GCNT1: variants seen among roughly 807,000 people sequenced by gnomAD.
The protein encoded by GCNT1 is beta-1,3-galactosyl-O-glycosyl-glycoprotein beta-1,6-N-acetylglucosaminyltransferase.
Under a neutral mutation model 26.2 loss-of-function variants are expected in GCNT1, and 16 were observed. The observed-to-expected ratio is 0.61, with a 90% CI of 0.41 to 0.93. The LOEUF (loss-of-function observed/expected upper bound fraction) is 0.93. Among genes scored for constraint, GCNT1 ranks in the 40% least tolerant of loss-of-function variants. GCNT1 has a pLI of 0.00. For synonymous variants in GCNT1, 183 were observed against 190.8 expected, an observed-to-expected ratio of 0.96 and a Z score of 0.34; for missense variants, 477 against 526.7, an observed-to-expected ratio of 0.91 and a Z score of 0.92.
intron 1 of GCNT1, among the ~76,000 whole-genome samples, chr9:76,442,634 T>C (rs1241249442): frequency 6.6e-6 from 1 of 152,022 alleles, no homozygotes; most frequent in Non-Finnish European, 1.5e-5. Flanking sequence ...TGAGCCAAGA[T>C]CATGCCACCG....
chr9:76,408,286 T>A, the GCNT1 span, among the ~76,000 whole-genome samples: 1 of 152,206 alleles, frequency 6.6e-6, no homozygotes, highest in East Asian at 1.9e-4. Flanking sequence ...ATTGAAGAAG[T>A]TCCCTTTTAT....
chr9:76,440,104 TAAA>T (rs762535970), upstream of GCNT1, among the ~76,000 whole-genome samples: 3 of 124,292 alleles, frequency 2.4e-5, no homozygotes, highest in Admixed American at 8.3e-5. Flanking sequence ...GTCGCAAAAA[TAAA>T]AAAAAAAAAA....
At chr9:76,425,946 T>G (rs1823253120) in intron 1 of GCNT1, among the ~76,000 whole-genome samples, 1 of 152,146 alleles carries the variant, frequency 6.6e-6, no homozygotes, top group African/African-American at 2.4e-5. Context: ...GCAAAATATC[T>G]CAAGCACTGA....
chr9:76,443,990 G>GAAGGAAGGAAGGAAAGAAAGAAAGA (rs1823529892), intron 1 of GCNT1, among the ~76,000 whole-genome samples: 1 of 73,646 alleles, frequency 1.4e-5, no homozygotes, highest in African/African-American at 4.8e-5. Flanking sequence ...AGGAAGGAAG[G>GAAGGAAGGAAGGAAAGAAAGAAAGA]AAGAAAAAAA....
chr9:76,466,491 G>A (rs1823997552), intron 2 of GCNT1, among the ~76,000 whole-genome samples: 1 of 152,122 alleles, frequency 6.6e-6, no homozygotes, highest in South Asian at 2.1e-4. Context: ...CTAGAGACGG[G>A]TCTCACCATC....
intron 2 of GCNT1, among the ~76,000 whole-genome samples, chr9:76,472,809 C>T (rs377633090): frequency 2.1e-5 from 3 of 144,452 alleles, no homozygotes; most frequent in African/African-American, 5.2e-5. Context: ...AGTGCAATGG[C>T]GTGATCTCAG....
intron 2 of GCNT1, among the ~76,000 whole-genome samples, chr9:76,492,908 G>T (rs956545147): frequency 1.3e-5 from 2 of 151,950 alleles, no homozygotes; most frequent in African/African-American, 4.8e-5. Flanking sequence ...GAGGTTGCGA[G>T]GTTTAATAAT....
At chr9:76,499,686 A>G (rs1231706769) in intron 2 of GCNT1, among the ~76,000 whole-genome samples, 1 of 152,182 alleles carries the variant, frequency 6.6e-6, no homozygotes, top group Non-Finnish European at 1.5e-5. Context: ...GACTATTTTT[A>G]GAGCAGTTTT....
chr9:76,471,635 A>G (rs1824134466), intron 2 of GCNT1, among the ~76,000 whole-genome samples: 1 of 152,084 alleles, frequency 6.6e-6, no homozygotes, highest in African/African-American at 2.4e-5. Flanking sequence ...ATTTAAAAAA[A>G]CATGTATAAG....
At chr9:76,398,508 C>T in the GCNT1 span, among the ~76,000 whole-genome samples, 56 of 152,328 alleles carry the variant, frequency 3.7e-4, no homozygotes, top group African/African-American at 1.3e-3. Flanking sequence ...GATAATATGG[C>T]AGTTTCTTAT....
chr9:76,451,574 T>C (rs1033291868), intron 1 of GCNT1, among the ~76,000 whole-genome samples: 1 of 152,258 alleles, frequency 6.6e-6, no homozygotes, highest in Admixed American at 6.5e-5. Context: ...GAGGAATGCC[T>C]ACCATTAAAA....
intron 1 of GCNT1, among the ~76,000 whole-genome samples, chr9:76,435,042 C>T (rs747839562): frequency 6.6e-6 from 1 of 152,080 alleles, no homozygotes; most frequent in Non-Finnish European, 1.5e-5. Flanking sequence ...GAACATAGAC[C>T]GTCATCAGTA....
the GCNT1 span, among the ~76,000 whole-genome samples, chr9:76,402,688 T>TTC: frequency 6.6e-6 from 1 of 151,806 alleles, no homozygotes. Context: ...GGCTGATTTT[T>TTC]TTTTTTTTTG....
intron 2 of GCNT1, among the ~76,000 whole-genome samples, chr9:76,473,161 G>C (rs1024102689): frequency 2.3e-4 from 35 of 152,182 alleles, no homozygotes; most frequent in African/African-American, 8.2e-4. Flanking sequence ...AGCAACACTA[G>C]ATGCTTCCTG....
chr9:76,398,247 A>C, the GCNT1 span, among the ~76,000 whole-genome samples: 1 of 152,270 alleles, frequency 6.6e-6, no homozygotes, highest in Admixed American at 6.5e-5. Flanking sequence ...AATTCTTAAA[A>C]TTCAGCAATA....
chr9:76,489,487 T>A (rs1345225120), intron 2 of GCNT1, among the ~76,000 whole-genome samples: 1 of 152,218 alleles, frequency 6.6e-6, no homozygotes, highest in Non-Finnish European at 1.5e-5. Context: ...TTGCCACTGC[T>A]GGCTCAGGTG....
Position 76,505,969 on chromosome 9 carries a change from T to C in GCNT1, c.*2301T>C, listed in dbSNP as rs754159214. The C allele has an allele frequency of 1.1e-4, 19 of 166,958 alleles. No individual in the cohort carries two copies. Among genetic ancestry groups the C allele is most frequent in the Admixed American group, 2.0e-4 (3 of 15,280 alleles). 10.3% of individuals were successfully genotyped at this position (166,958 alleles called of 1,614,324 possible). ...TTCTAAAATGGAACTTGTTAAAAAG[T>C]GTTCAAACACTATCCCTAATGCCTG... On this transcript the variant is annotated 3_prime_UTR_variant, in exon 4 of 4. Coordinates refer to ENST00000376730, the MANE Select transcript of GCNT1 (RefSeq NM_001490.5).
At chr9:76,416,127 A>G (rs1420233234), upstream of GCNT1, among the ~76,000 whole-genome samples, 1 of 151,972 alleles carries the variant, frequency 6.6e-6, no homozygotes, top group African/African-American at 2.4e-5. Flanking sequence ...CCCCCATCCC[A>G]TACCCATAAA....
At position 76,488,960 on chromosome 9, in the gene GCNT1, C is replaced by CT. The variant is rs543144210; in HGVS notation, c.-289-11955dup. 1.4e-3 allele frequency among the ~76,000 whole-genome samples: 208 copies of CT among 152,128 alleles called. 2 individuals are homozygous for CT. Among genetic ancestry groups the CT allele is most frequent in the Non-Finnish European group, 2.4e-3 (163 of 68,006 alleles). On this transcript the variant is annotated intron_variant, in intron 2 of 3. Transcript: ENST00000376730. Reference sequence around the variant, plus strand: ...ACAACAATATCATTTTATTTTTTTGCTCACACATTCTGTTGGTCAAGAATT... The same window carrying CT: ...ACAACAATATCATTTTATTTTTTTGCTTCACACATTCTGTTGGTCAAGAATT...
Sources: allele counts gnomAD v4.1 joint callset (sites outside exome capture counted in the v4.1 genomes callset), GRCh38; gene constraint gnomAD v4.1.1; transcripts MANE v1.5; gene names NCBI Gene and HGNC (gene_info 2026-07-23, HGNC 2026-07-21).